LAMA4: variants seen among roughly 807,000 people sequenced by gnomAD.
LAMA4 encodes the protein laminin subunit alpha-4.
In LAMA4, 127 loss-of-function variants were observed where a neutral mutation model predicts 207.1. The observed-to-expected ratio is 0.61, with a 90% CI of 0.53 to 0.71. The LOEUF is 0.71. LAMA4 is among the 30% of genes least tolerant of loss of function. The probability of loss-of-function intolerance (pLI) is 0.00; values close to 1 mark genes in which losing one functional copy is unlikely to be tolerated. For missense variants in LAMA4, 2,093 were observed against 2,246.5 expected (o/e 0.93, Z 1.38); for synonymous variants, 761 against 816.0 (o/e 0.93, Z 1.15).
At chr6:112,195,315 A>G (rs1377874482) in intron 5 of LAMA4, among the ~76,000 whole-genome samples, 1 of 152,238 alleles carries the variant, frequency 6.6e-6, no homozygotes, top group East Asian at 1.9e-4. Context: ...AAATAAGGCT[A>G]GGAAAACGTA....
chr6:112,219,765 A>G (rs1450624615), intron 2 of LAMA4, among the ~76,000 whole-genome samples: 2 of 152,184 alleles, frequency 1.3e-5, no homozygotes, highest in South Asian at 2.1e-4. Context: ...ATGTTGCACA[A>G]TTCTCTCACT....
intron 12 of LAMA4, among the ~76,000 whole-genome samples, chr6:112,167,293 T>C (rs1392354688): frequency 2.6e-5 from 4 of 152,210 alleles, no homozygotes; most frequent in East Asian, 1.9e-4. Flanking sequence ...TCCCAGCTAC[T>C]TGGGAGGCTG....
chr6:112,220,082 A>G (rs1310984097), intron 2 of LAMA4, among the ~76,000 whole-genome samples: 1 of 152,182 alleles, frequency 6.6e-6, no homozygotes, highest in Non-Finnish European at 1.5e-5. Flanking sequence ...TCCCAGAAAA[A>G]AATCTTTGCT....
chr6:112,185,956 C>G (rs1554346523), intron 8 of LAMA4, among the ~76,000 whole-genome samples: 2 of 152,164 alleles, frequency 1.3e-5, no homozygotes, highest in Admixed American at 6.5e-5. Flanking sequence ...TTTCAGGAGG[C>G]CTGGATCTGG....
chr6:112,219,775 T>C (rs1784824337), intron 2 of LAMA4, among the ~76,000 whole-genome samples: 1 of 152,204 alleles, frequency 6.6e-6, no homozygotes, highest in Non-Finnish European at 1.5e-5. Context: ...ATTCTCTCAC[T>C]TGACACCACA....
intron 9 of LAMA4, among the ~76,000 whole-genome samples, chr6:112,183,132 G>A (rs1782464426): frequency 6.6e-6 from 1 of 152,048 alleles, no homozygotes; most frequent in Non-Finnish European, 1.5e-5. Flanking sequence ...AAGTTCAAGG[G>A]GCAATATTAC....
intron 16 of LAMA4, among the ~76,000 whole-genome samples, chr6:112,152,826 C>G (rs1026454569): frequency 1.3e-4 from 19 of 151,976 alleles, no homozygotes; most frequent in Admixed American, 1.3e-4. Context: ...ACCCTGCCTC[C>G]TTCCTCTTTT....
chr6:112,234,213 G>A (rs6924411), intron 2 of LAMA4: 5 of 152,026 alleles, frequency 3.3e-5, no homozygotes, highest in Non-Finnish European at 7.4e-5. Flanking sequence ...AATGAGCTAA[G>A]CAAGATAATA....
chr6:112,176,301 T>C (rs1782020466), intron 10 of LAMA4, among the ~76,000 whole-genome samples: 1 of 152,182 alleles, frequency 6.6e-6, no homozygotes, highest in African/African-American at 2.4e-5. Context: ...AGAAGGAAGG[T>C]ATGTAATTGT....
Position 112,110,678 on chromosome 6 carries a change from C to T in LAMA4, c.5327-1096G>A, listed in dbSNP as rs117330027. ...ATCATTTGGGTAAGAAATGAGTGAA[C>T]AGGAATGCTTATAAGAGGTAGAAAC... On this transcript the variant is annotated intron_variant, in intron 38 of 38. Coordinates refer to ENST00000230538, the MANE Select transcript of LAMA4 (RefSeq NM_001105206.3). 2.4e-4 allele frequency among the ~76,000 whole-genome samples: 36 copies of T among 152,286 alleles called. 2 individuals carry two copies. The East Asian group carries it at 6.9e-3, about 29-fold the overall frequency.
rs1252161202 is a variant in LAMA4, at chr6:112,185,240, T to G, written c.1074A>C (p.Glu358Asp). Reference sequence around the variant, plus strand: ...AACTGAATACATACATACGTACCTTTTCAACTAATTCCTCTACGTCAGACA... The same window carrying G: ...AACTGAATACATACATACGTACCTTGTCAACTAATTCCTCTACGTCAGACA... ...SLLSDVEELV[E>D]KENQASRKGQ... The change falls in exon 9 of 39, where the codon GAA becomes GAC. Residue 358 changes from glutamate to aspartate, a missense_variant. Coordinates refer to ENST00000230538, the MANE Select transcript of LAMA4 (RefSeq NM_001105206.3). 1 of 1,589,278 alleles carries G rather than the reference T, an allele frequency of 6.3e-7. No homozygotes were observed. The highest frequency in any genetic ancestry group is 1.3e-5 in the African/African-American group (1 of 74,372).
intron 3 of LAMA4, among the ~76,000 whole-genome samples, chr6:112,214,399 T>C (rs1554357934): frequency 6.6e-6 from 1 of 152,122 alleles, no homozygotes; most frequent in African/African-American, 2.4e-5. Flanking sequence ...ATCTTCTTTC[T>C]TTCTAAATTA....
At chr6:112,243,947 A>G (rs781994760) in intron 2 of LAMA4, among the ~76,000 whole-genome samples, 1 of 152,164 alleles carries the variant, frequency 6.6e-6, no homozygotes, top group Non-Finnish European at 1.5e-5. Context: ...AATCCCTGCT[A>G]TTCAGGAGGC....
intron 26 of LAMA4, among the ~76,000 whole-genome samples, chr6:112,133,861 G>T (rs1010777221): frequency 6.6e-6 from 1 of 152,142 alleles, no homozygotes; most frequent in Non-Finnish European, 1.5e-5. Context: ...ATTTCACAGG[G>T]TTTAACGTAA....
chr6:112,200,468 G>C (rs1228961521), intron 5 of LAMA4, among the ~76,000 whole-genome samples: 1 of 152,242 alleles, frequency 6.6e-6, no homozygotes, highest in Non-Finnish European at 1.5e-5. Context: ...GTGGAAGACA[G>C]TGTGGTGATT....
At position 112,142,276 on chromosome 6, in the gene LAMA4, A is replaced by G. The variant is rs1779744614; in HGVS notation, c.2510T>C (p.Met837Thr). Residue 837 changes from methionine to threonine, a missense_variant, in exon 20 of 39, where the codon ATG (methionine) becomes ACG (threonine). By Grantham distance (81) the Met-to-Thr change is moderately conservative (BLOSUM62 -1). Coordinates refer to ENST00000230538, the MANE Select transcript of LAMA4 (RefSeq NM_001105206.3). ...SVASKIQVSM[M>T]FDGQSAVEVH... ...TTCCACAGCTGACTGGCCATCAAAC[A>G]TCATGGAGACTTGGATCTGGAGTGA... is the stretch of plus-strand genomic sequence containing the variant. 2 of 1,614,152 alleles carry G rather than the reference A, an allele frequency of 1.2e-6. No individual in the cohort carries two copies. Among genetic ancestry groups the G allele is most frequent in the Middle Eastern group, 1.6e-4 (1 of 6,062 alleles).
At chr6:112,247,573 C>T (rs558387920) in intron 2 of LAMA4, among the ~76,000 whole-genome samples, 23 of 152,342 alleles carry the variant, frequency 1.5e-4, no homozygotes, top group Non-Finnish European at 3.1e-4. Flanking sequence ...GGCTGCCACT[C>T]TGGAAGAGGG....
At position 112,139,270 on chromosome 6, in the gene LAMA4, C is replaced by T. The variant is rs1331362754; in HGVS notation, c.3132G>A (p.Gln1044=). The T allele has an allele frequency of 6.2e-7, 1 of 1,614,042 alleles. No homozygotes were observed. Among genetic ancestry groups the T allele is most frequent in the African/African-American group, 1.3e-5 (1 of 74,924 alleles). ...CGAAGAAGTAACTGGCAGCCCGACTCTGAGTGAAGGCCAGCTTATCTCTGA... is the reference window on the plus strand; with the variant it reads ...CGAAGAAGTAACTGGCAGCCCGACTTTGAGTGAAGGCCAGCTTATCTCTGA... ...PCARDKLAFT[Q]SRAASYFFDG... The change falls in exon 24 of 39, where the codon CAG becomes CAA. Residue 1044 remains glutamine (Q), a synonymous_variant. Transcript: ENST00000230538.
intron 3 of LAMA4, among the ~76,000 whole-genome samples, chr6:112,215,511 T>C (rs556423194): frequency 7.3e-6 from 1 of 136,184 alleles, no homozygotes; most frequent in Non-Finnish European, 1.5e-5. Context: ...AAAAATACTC[T>C]TGTAGTTTTG....
Sources: gnomAD v4.1 joint callset for allele counts (sites outside exome capture counted in the v4.1 genomes callset) on GRCh38, gnomAD v4.1.1 for gene constraint, MANE v1.5 for transcripts, NCBI Gene and HGNC (gene_info 2026-07-23, HGNC 2026-07-21) for gene names.